DMD: variants seen among roughly 807,000 people sequenced by gnomAD.
The protein encoded by DMD is dystrophin.
A neutral mutation model predicts 330.1 loss-of-function variants in DMD; 63 were observed. The observed-to-expected ratio is 0.19, with a 90% CI of 0.16 to 0.24. The LOEUF (loss-of-function observed/expected upper bound fraction) is 0.24. Among genes scored for constraint, DMD ranks in the 10% least tolerant of loss-of-function variants. The pLI, the probability that DMD is intolerant of heterozygous loss-of-function variation, is 1.00. For synonymous variants in DMD, 1,223 were observed against 959.8 expected, an observed-to-expected ratio of 1.27 and a Z score of -5.07; for missense variants, 3,344 against 2,684.1, an observed-to-expected ratio of 1.25 and a Z score of -5.43.
At chrX:31,611,600 T>C (rs62587322) in intron 55 of DMD, among the ~76,000 whole-genome samples, 41,364 of 110,676 alleles carry the variant, frequency 0.37, 6,280 homozygotes, top group African/African-American at 0.56. Context: ...CTTTTTGATT[T>C]GGGATCTTGA....
chrX:31,346,699 G>T (rs2058090396), intron 61 of DMD, among the ~76,000 whole-genome samples: 1 of 109,721 alleles, frequency 9.1e-6, no homozygotes, highest in Non-Finnish European at 1.9e-5. Flanking sequence ...AAAAAGAATG[G>T]CTAGAGGTCA....
intron 22 of DMD, among the ~76,000 whole-genome samples, chrX:32,471,441 C>G (rs779382390): frequency 9.0e-6 from 1 of 111,413 alleles, no homozygotes; most frequent in South Asian, 3.7e-4. Context: ...TAAATTTAAA[C>G]CAATTTTATA....
intron 1 of DMD, among the ~76,000 whole-genome samples, chrX:33,040,181 G>A (rs1310795459): frequency 1.8e-5 from 2 of 111,322 alleles, no homozygotes; most frequent in Non-Finnish European, 3.8e-5. Context: ...AAAGTAAGGC[G>A]TAGGACAAGA....
rs374596132 is a variant in DMD, at chrX:32,067,753, A to G, written c.6439-99239T>C. 7.1e-5 allele frequency among the ~76,000 whole-genome samples: 8 copies of G among 111,922 alleles called. No individual in the cohort carries two copies. The South Asian group carries it at 2.9e-3, about 41-fold the overall frequency. ...TACAACATTTACTTTATCCAATCCA[A>G]CGTTGACGGACACCTATGTTGATCC... On this transcript the variant is annotated intron_variant, in intron 44 of 78. Coordinates refer to ENST00000357033, the MANE Select transcript of DMD (RefSeq NM_004006.3).
intron 7 of DMD, among the ~76,000 whole-genome samples, chrX:32,755,283 T>C (rs1488492042): frequency 1.9e-5 from 2 of 106,522 alleles, no homozygotes; most frequent in Non-Finnish European, 3.8e-5. Flanking sequence ...TTCAAAGAAA[T>C]TCTCTCCTCT....
chrX:32,145,531 A>G (rs1280696909), intron 44 of DMD, among the ~76,000 whole-genome samples: 1 of 112,425 alleles, frequency 8.9e-6, no homozygotes, highest in African/African-American at 3.2e-5. Flanking sequence ...TGAGAGAACT[A>G]TATTAAAATG....
intron 55 of DMD, among the ~76,000 whole-genome samples, chrX:31,615,754 C>T (rs1158659621): frequency 4.5e-5 from 5 of 111,938 alleles, no homozygotes; most frequent in Admixed American, 2.8e-4. Flanking sequence ...GTTTCATTCA[C>T]ACGTCTATTT....
At chrX:31,964,084 A>G (rs2095330577) in intron 45 of DMD, among the ~76,000 whole-genome samples, 1 of 111,936 alleles carries the variant, frequency 8.9e-6, no homozygotes, top group Non-Finnish European at 1.9e-5. Context: ...ACAGCATCTC[A>G]TATGAAGTAT....
chrX:32,921,294 A>G (rs1013533736), intron 2 of DMD, among the ~76,000 whole-genome samples: 2 of 111,930 alleles, frequency 1.8e-5, no homozygotes, highest in Non-Finnish European at 3.8e-5. Flanking sequence ...TTTGGAAGGA[A>G]TATTATAACT....
intron 49 of DMD, among the ~76,000 whole-genome samples, chrX:31,821,377 C>CT (rs1266404912): frequency 8.9e-6 from 1 of 112,286 alleles, no homozygotes; most frequent in East Asian, 2.8e-4. Context: ...CCTAAGATAT[C>CT]TATTACACCT....
At chrX:31,857,380 GAAA>G (rs57685055) in intron 48 of DMD, among the ~76,000 whole-genome samples, 71 of 36,734 alleles carry the variant, frequency 1.9e-3, no homozygotes, top group Non-Finnish European at 2.4e-3. Context: ...CTCCACCTCG[GAAA>G]AAAAAAAAAA....
At chrX:31,793,961 G>T (rs1249542679) in intron 50 of DMD, among the ~76,000 whole-genome samples, 1 of 111,515 alleles carries the variant, frequency 9.0e-6, no homozygotes, top group Non-Finnish European at 1.9e-5. Context: ...CACAGGAAGT[G>T]CTAAAAGCTT....
intron 44 of DMD, among the ~76,000 whole-genome samples, chrX:32,030,856 G>A (rs1183266259): frequency 2.7e-5 from 3 of 111,677 alleles, no homozygotes; most frequent in Non-Finnish European, 5.7e-5. Flanking sequence ...TTATAGGAAG[G>A]TTAAATTACT....
In DMD at chrX:32,463,556, T is replaced by C. The variant is rs2098390931; in HGVS notation, c.3315A>G (p.Leu1105=). The C allele has an allele frequency of 2.5e-6, 3 of 1,195,653 alleles. No individual in the cohort carries two copies. The highest frequency in any genetic ancestry group is 3.4e-6 in the Non-Finnish European group (3 of 886,537). The change falls in exon 25 of 79, where the codon CTA becomes CTG. Residue 1105 remains leucine, a synonymous_variant. Transcript: ENST00000357033. ...TCTGCCCACCTTCATTGACACTGTTTAGACTGGGCTGAATTGTCTGAATAT... is the reference window on the plus strand; with the variant it reads ...TCTGCCCACCTTCATTGACACTGTTCAGACTGGGCTGAATTGTCTGAATAT... The part of the protein sequence containing the change: ...VSDIQTIQPS[L]NSVNEGGQKI...
chrX:32,048,609 C>T (rs887017140), intron 44 of DMD, among the ~76,000 whole-genome samples: 1 of 110,358 alleles, frequency 9.1e-6, no homozygotes, highest in Non-Finnish European at 1.9e-5. Context: ...TTCCTTTACC[C>T]TGATGATTTT....
chrX:32,348,415 A>G lies in DMD; in HGVS notation c.5439T>C (p.Asn1813=), dbSNP rs1238738620. Residue 1813 remains asparagine (N), a synonymous_variant, in exon 38 of 79, where the codon AAT becomes AAC. Transcript: ENST00000357033. Reference sequence around the variant, plus strand: ...ATCACAACCAATTTACCATATCTTTATTGAAGTCTTCCTCTTTCAGATTCA... The same window carrying G: ...ATCACAACCAATTTACCATATCTTTGTTGAAGTCTTCCTCTTTCAGATTCA... The part of the protein sequence containing the change: ...QGVNLKEEDF[N]KDMNEDNEGT... The G allele has an allele frequency of 8.3e-7, 1 of 1,206,310 alleles. No homozygotes were observed. Among genetic ancestry groups the G allele is most frequent in the African/African-American group, 1.8e-5 (1 of 56,963 alleles).
chrX:31,150,618 G>C (rs2037297141), intron 74 of DMD, among the ~76,000 whole-genome samples: 1 of 112,207 alleles, frequency 8.9e-6, no homozygotes, highest in African/African-American at 3.2e-5. Flanking sequence ...AATGAGAAAA[G>C]AGATGAAATG....
chrX:32,084,762 C>T (rs758957952), intron 44 of DMD, among the ~76,000 whole-genome samples: 32 of 111,094 alleles, frequency 2.9e-4, no homozygotes, highest in Non-Finnish European at 3.4e-4. Flanking sequence ...ATTGGGATTA[C>T]GGAATTCAGG....
intron 44 of DMD, among the ~76,000 whole-genome samples, chrX:32,119,283 T>G (rs2096624786): frequency 1.9e-5 from 2 of 103,086 alleles, no homozygotes; most frequent in Admixed American, 2.1e-4. Context: ...TCAGTGAGCT[T>G]AGATCATCCC....
Sources: allele counts gnomAD v4.1 joint callset (sites outside exome capture counted in the v4.1 genomes callset), GRCh38; gene constraint gnomAD v4.1.1; transcripts MANE v1.5; gene names NCBI Gene and HGNC (gene_info 2026-07-23, HGNC 2026-07-21).